The following ATIC variants were observed in gnomAD, a reference collection of about 807,000 sequenced individuals.
ATIC encodes bifunctional purine biosynthesis protein ATIC.
In ATIC, 64 loss-of-function variants were observed where a neutral mutation model predicts 72.5. That is an observed-to-expected ratio of 0.88 (90% CI 0.72 to 1.09). The LOEUF is 1.09. ATIC is among the 50% of genes least tolerant of loss of function. The probability of loss-of-function intolerance (pLI) is 0.00; values close to 1 mark genes in which losing one functional copy is unlikely to be tolerated. For missense variants in ATIC, 787 were observed against 732.4 expected, an observed-to-expected ratio of 1.07 and a Z score of -0.86; for synonymous variants, 281 against 267.1, an observed-to-expected ratio of 1.05 and a Z score of -0.51.
chr2:215,359,735 ATT>A, the ATIC span, among the ~76,000 whole-genome samples: 15 of 149,384 alleles, frequency 1.0e-4, no homozygotes, highest in Admixed American at 6.0e-4. Context: ...GGGAGTTAGT[ATT>A]TTTTTTTTTC....
the ATIC span, among the ~76,000 whole-genome samples, chr2:215,363,833 T>C: frequency 1.3e-5 from 2 of 152,256 alleles, no homozygotes; most frequent in African/African-American, 4.8e-5. Context: ...TTTGTTATAC[T>C]GGGCATATTT....
chr2:215,367,940 C>T, the ATIC span: 6 of 1,614,048 alleles, frequency 3.7e-6, no homozygotes, highest in African/African-American at 1.3e-5. Context: ...TTCAGACATT[C>T]GTTCCCACTC....
At chr2:215,314,489 A>G (rs2052688154) in intron 2 of ATIC, among the ~76,000 whole-genome samples, 1 of 151,978 alleles carries the variant, frequency 6.6e-6, no homozygotes, top group Admixed American at 6.6e-5. Flanking sequence ...GCTAGTTAAG[A>G]GGCCAAGATT....
chr2:215,328,739 T>TA (rs2052857530), intron 7 of ATIC, among the ~76,000 whole-genome samples: 3 of 148,438 alleles, frequency 2.0e-5, no homozygotes, highest in Non-Finnish European at 3.0e-5. Context: ...TTTTTTGAGA[T>TA]AGAGTTTCAC....
intron 13 of ATIC, 45 bp downstream of exon 13, chr2:215,344,916 G>A (rs769759950): frequency 5.1e-6 from 8 of 1,555,698 alleles, no homozygotes; most frequent in African/African-American, 2.7e-5. Context: ...GTTGTTTTAC[G>A]AAATGATATT....
At position 215,332,465 on chromosome 2, in the gene ATIC, G is replaced by A; in HGVS notation, c.772G>A (p.Gly258Ser). 6.2e-7 allele frequency: 1 copy of A among 1,614,118 alleles called. No homozygotes were observed. Among genetic ancestry groups the A allele is most frequent in the Non-Finnish European group, 8.5e-7 (1 of 1,180,030 alleles). Residue 258 changes from glycine to serine, a missense_variant, in exon 8 of 16, where the codon GGT becomes AGT. Gly to Ser is a moderately conservative substitution (Grantham distance 56). Transcript: ENST00000236959. Reference sequence around the variant, plus strand: ...GGTGAAGGAACTCAAGGAGGCTTTAGGTATTCCAGCCGCTGCCTCTTTCAA... The same window carrying A: ...GGTGAAGGAACTCAAGGAGGCTTTAAGTATTCCAGCCGCTGCCTCTTTCAA... ...QLVKELKEAL[G>S]IPAAASFKHV...
At chr2:215,344,697 A>C in intron 12 of ATIC, 82 bp from the exon 13 acceptor site, 1 of 1,383,918 alleles carries the variant, frequency 7.2e-7, no homozygotes, top group Non-Finnish European at 1.0e-6. Flanking sequence ...AAAACCACAA[A>C]AAATAATATT....
the ATIC span, chr2:215,362,121 A>G: frequency 7.0e-7 from 1 of 1,421,932 alleles, no homozygotes; most frequent in Non-Finnish European, 9.9e-7. Context: ...GTTTATGATA[A>G]CCTGAGGACA....
At chr2:215,362,101 G>A in the ATIC span, 2 of 1,553,178 alleles carry the variant, frequency 1.3e-6, no homozygotes, top group South Asian at 2.2e-5. Context: ...GAGGCATGAA[G>A]TCAAATGGGG....
chr2:215,368,015 A>C, the ATIC span: 1 of 1,614,202 alleles, frequency 6.2e-7, no homozygotes. Flanking sequence ...AGGTTGGTTC[A>C]AGCCTTCGTT....
Position 215,349,677 on chromosome 2 carries a change from GGCTT to G in ATIC, c.*27_*30del. 6.2e-7 allele frequency: 1 copy of G among 1,613,946 alleles called. No homozygotes were observed. Among genetic ancestry groups the G allele is most frequent in the Non-Finnish European group, 8.5e-7 (1 of 1,179,978 alleles). ...CTGATTTTACCACACACTGTTTTTT[GGCTT>G]GCTTATGTGTAGGTGAACAGTCACG... On this transcript the variant is annotated 3_prime_UTR_variant, in exon 16 of 16. Coordinates refer to ENST00000236959, the MANE Select transcript of ATIC (RefSeq NM_004044.7).
At chr2:215,318,323 G>A in intron 3 of ATIC, 90 bp downstream of exon 3, 1 of 1,234,782 alleles carries the variant, frequency 8.1e-7, no homozygotes, top group Non-Finnish European at 1.2e-6. Context: ...GAAGAAAAAG[G>A]CTCAAGAGAA....
At chr2:215,312,214 G>A in intron 1 of ATIC, 53 bp downstream of exon 1, 3 of 1,468,018 alleles carry the variant, frequency 2.0e-6, no homozygotes, top group South Asian at 2.7e-5. Context: ...GGCCCCCCAC[G>A]CTCCCGCCTT....
At chr2:215,319,081 T>C (rs567644559) in intron 3 of ATIC, among the ~76,000 whole-genome samples, 3 of 151,806 alleles carry the variant, frequency 2.0e-5, no homozygotes, top group Admixed American at 2.0e-4. Flanking sequence ...GGGTCTCACC[T>C]TGTTGCCCAG....
rs760245643 is a variant in ATIC, at chr2:215,312,167, G to C, written c.19+6G>C. 6 of 1,507,836 alleles carry C rather than the reference G, an allele frequency of 4.0e-6. No homozygotes were observed. In the East Asian group the frequency reaches 1.3e-4, roughly 34 times the overall value. 93.4% of individuals were successfully genotyped at this position (1,507,836 alleles called of 1,614,324 possible). A position where few individuals can be genotyped will look rare whatever the true frequency, so the allele number is the denominator to read the frequency against. On this transcript the variant is annotated splice_donor_region_variant and intron_variant, in intron 1 of 15. Transcript: ENST00000236959. ...CATGGCTCCCGGCCAGCTCGGTGAG[G>C]CCCTAGCGGAGCGGCGCGGTCTGCG...
At position 215,322,968 on chromosome 2, in the gene ATIC, G is replaced by A. The variant is rs146574495; in HGVS notation, c.291-2273G>A. Among the ~76,000 whole-genome samples the A allele has an allele frequency of 3.7e-3, 560 of 152,026 alleles. 2 individuals carry two copies. Among genetic ancestry groups the A allele is most frequent in the African/African-American group, 0.013 (528 of 41,454 alleles). On this transcript the variant is annotated intron_variant, in intron 4 of 15. Coordinates refer to ENST00000236959, the MANE Select transcript of ATIC (RefSeq NM_004044.7). The stretch of plus-strand genomic sequence containing the variant: ...TTTTGTTTTGTTTTGTTTTTGAGAC[G>A]GAGTCTGGCTCTGTTGCCCAGGCTG...
At chr2:215,339,557 T>C (rs2052994915) in intron 12 of ATIC, among the ~76,000 whole-genome samples, 1 of 152,248 alleles carries the variant, frequency 6.6e-6, no homozygotes, top group Non-Finnish European at 1.5e-5. Flanking sequence ...AAAGTCCATG[T>C]GGCAGTCAGT....
intron 4 of ATIC, among the ~76,000 whole-genome samples, chr2:215,325,027 C>T (rs1423859986): frequency 2.0e-5 from 3 of 152,090 alleles, no homozygotes; most frequent in African/African-American, 4.8e-5. Context: ...CCGGGGAGCA[C>T]CTGCTGACTA....
the ATIC span, among the ~76,000 whole-genome samples, chr2:215,366,078 A>G: frequency 2.0e-4 from 30 of 151,264 alleles, no homozygotes; most frequent in African/African-American, 7.1e-4. Flanking sequence ...TCAGCCTCCA[A>G]AAGTGCTGGG....
Sources: gnomAD v4.1 joint callset for allele counts (sites outside exome capture counted in the v4.1 genomes callset) on GRCh38, gnomAD v4.1.1 for gene constraint, MANE v1.5 for transcripts, NCBI Gene and HGNC (gene_info 2026-07-23, HGNC 2026-07-21) for gene names.